Variants in TRIM33 observed in about 807,000 individuals in gnomAD.
TRIM33 encodes the protein tripartite motif containing 33, also known as E3 ubiquitin-protein ligase TRIM33.
TRIM33 carries 20 observed loss-of-function variants against 125.4 expected under a neutral mutation model. The observed-to-expected ratio is 0.16, with a 90% confidence interval of 0.11 to 0.23. The LOEUF is 0.23. Ranked by LOEUF, TRIM33 falls within the 10% of genes least tolerant of loss-of-function variation. The pLI is 1.00. For missense variants in TRIM33, 920 were observed against 1,411.4 expected (o/e 0.65, Z 5.58); for synonymous variants, 564 against 513.9 (o/e 1.10, Z -1.32).
At chr1:114,453,668 A>C (rs1008356511) in intron 4 of TRIM33, among the ~76,000 whole-genome samples, 3 of 152,192 alleles carry the variant, frequency 2.0e-5, no homozygotes, top group Non-Finnish European at 4.4e-5. Flanking sequence ...TGTGTCAACA[A>C]TCTGATTTAC....
At chr1:114,404,827 T>C (rs1029392598) in intron 15 of TRIM33, 4 of 148,134 alleles carry the variant, frequency 2.7e-5, no homozygotes, top group African/African-American at 5.0e-5. Context: ...TTTTTTTTTT[T>C]CAATTTATAG....
intron 1 of TRIM33, among the ~76,000 whole-genome samples, chr1:114,477,756 G>A (rs11102796): frequency 1.3e-5 from 2 of 152,156 alleles, no homozygotes; most frequent in Admixed American, 6.5e-5. Context: ...TGGCCACTGA[G>A]CACTTGCAAA....
In TRIM33 at chr1:114,408,731, T is replaced by C; in HGVS notation, c.2204A>G (p.Asn735Ser). 1.9e-6 allele frequency: 3 copies of C among 1,602,008 alleles called. No homozygotes were observed. The highest frequency in any genetic ancestry group is 1.7e-5 in the Admixed American group (1 of 59,304). The change falls in exon 13 of 20, where the codon AAT becomes AGT. Residue 735 changes from asparagine (N) to serine (S), a missense_variant. Physicochemically the swap from Asn to Ser is conservative, Grantham distance 46. This residue lies in a region of TRIM33 where 407 missense variants were observed against 589.7 expected (regional missense o/e 0.69). Coordinates refer to ENST00000358465, the MANE Select transcript of TRIM33 (RefSeq NM_015906.4). ...ALSPGSSGLSNSHTPVRPPST... is the reference protein window; with the variant it reads ...ALSPGSSGLSSSHTPVRPPST... ...TGGGGGTCTCACAGGTGTGTGAGAATTGGATAAACCTAAAAAGTAGTAAGT... is the reference window on the plus strand; with the variant it reads ...TGGGGGTCTCACAGGTGTGTGAGAACTGGATAAACCTAAAAAGTAGTAAGT...
chr1:114,425,967 T>C (rs1271736345), intron 8 of TRIM33, among the ~76,000 whole-genome samples: 9 of 152,186 alleles, frequency 5.9e-5, no homozygotes, highest in Non-Finnish European at 1.2e-4. Context: ...TCTTTTTTAC[T>C]TAGACATACA....
chr1:114,509,619 A>T (rs899724932), intron 1 of TRIM33, among the ~76,000 whole-genome samples: 7 of 152,224 alleles, frequency 4.6e-5, no homozygotes, highest in Admixed American at 1.3e-4. Flanking sequence ...AGGGATGTAG[A>T]AGGGTGTCCT....
chr1:114,425,757 A>G, intron 8 of TRIM33, 34 bp from the exon 9 acceptor site: 2 of 1,449,406 alleles, frequency 1.4e-6, no homozygotes. Context: ...TTTGCATATA[A>G]TCAACTAAAT....
At chr1:114,487,867 G>A (rs548040408) in intron 1 of TRIM33, among the ~76,000 whole-genome samples, 93 of 128,176 alleles carry the variant, frequency 7.3e-4, no homozygotes, top group Non-Finnish European at 1.4e-3. Context: ...ACTGCAGTCC[G>A]CAGTCCGGCC....
At chr1:114,416,734 T>C (rs1470485075) in intron 11 of TRIM33, among the ~76,000 whole-genome samples, 1 of 152,220 alleles carries the variant, frequency 6.6e-6, no homozygotes, top group Non-Finnish European at 1.5e-5. Context: ...TTCACCAGCT[T>C]AAACTAATGC....
chr1:114,498,517 C>T (rs1257349728), intron 1 of TRIM33, among the ~76,000 whole-genome samples: 8 of 152,068 alleles, frequency 5.3e-5, no homozygotes, highest in Admixed American at 4.6e-4. Context: ...GGTGTGGTGG[C>T]ATGCGCCTGT....
intron 10 of TRIM33, among the ~76,000 whole-genome samples, chr1:114,423,648 C>T (rs1029402039): frequency 1.3e-5 from 2 of 151,856 alleles, no homozygotes; most frequent in Non-Finnish European, 2.9e-5. Context: ...AATCCTCCTG[C>T]CTCGGCCTCC....
chr1:114,470,602 C>A (rs1220152277), intron 1 of TRIM33, among the ~76,000 whole-genome samples: 2 of 151,926 alleles, frequency 1.3e-5, no homozygotes, highest in African/African-American at 4.8e-5. Context: ...AAGTGTCCAA[C>A]TGAAAAGAAG....
rs148482242 is a variant in TRIM33 at position 114,424,104 on chromosome 1, G to A, written c.1860+487C>T. ...TGTCTCTAAACACACTTATTAAAGC[G>A]TATCTACATCCTAAAAGGAAGAATA... is the stretch of plus-strand genomic sequence containing the variant. On this transcript the variant is annotated intron_variant, in intron 10 of 19. Transcript: ENST00000358465. Among the ~76,000 whole-genome samples the A allele has an allele frequency of 8.0e-4, 122 of 151,886 alleles. 5 individuals carry two copies. The East Asian group carries it at 0.01, about 13-fold the overall frequency.
chr1:114,399,633 A>T, intron 17 of TRIM33, 24 bp from the exon 18 acceptor site: 10 of 1,547,806 alleles, frequency 6.5e-6, no homozygotes, highest in Non-Finnish European at 7.9e-6. Flanking sequence ...ATAATGGCAA[A>T]TAAGAATTCT....
At chr1:114,429,356 T>A (rs1374484422) in intron 6 of TRIM33, among the ~76,000 whole-genome samples, 2 of 151,216 alleles carry the variant, frequency 1.3e-5, no homozygotes, top group African/African-American at 4.9e-5. Flanking sequence ...CCTGGCTAAT[T>A]TTTGTTTTTT....
rs1229979946 is a variant in TRIM33 at position 114,407,221 on chromosome 1, TA to T, written c.2259-122del. The T allele has an allele frequency of 8.4e-5, 67 of 800,360 alleles. No individual in the cohort carries two copies. The African/African-American group carries it at 1.1e-3, about 13-fold the overall frequency. 49.6% of individuals were successfully genotyped at this position (800,360 alleles called of 1,614,324 possible). A position where few individuals can be genotyped will look rare whatever the true frequency, so the allele number is the denominator to read the frequency against. ...AATAGACAATTAACTTTACAGAAGA[TA>T]AGGATACCTCATAATGTAGTTAAGG... On this transcript the variant is annotated intron_variant, in intron 13 of 19. Coordinates refer to ENST00000358465, the MANE Select transcript of TRIM33 (RefSeq NM_015906.4).
chr1:114,484,675 C>A (rs1651564951), intron 1 of TRIM33, among the ~76,000 whole-genome samples: 1 of 152,078 alleles, frequency 6.6e-6, no homozygotes, highest in Non-Finnish European at 1.5e-5. Context: ...CCAGCCTGGG[C>A]AACACAGTGA....
Position 114,464,251 on chromosome 1 carries a change from G to C in TRIM33, c.645+19C>G. 7.3e-7 allele frequency: 1 copy of C among 1,376,082 alleles called. No individual in the cohort carries two copies. Among genetic ancestry groups the C allele is most frequent in the South Asian group, 1.3e-5 (1 of 79,468 alleles). 85.2% of individuals were successfully genotyped at this position (1,376,082 alleles called of 1,614,324 possible). ...TTTGATATCAAGATAGGAATATAAA[G>C]AAAAATTGAGAAGCATACCTGTTCT... On this transcript the variant is annotated intron_variant, in intron 2 of 19. Coordinates refer to ENST00000358465, the MANE Select transcript of TRIM33 (RefSeq NM_015906.4).
chr1:114,507,947 T>A (rs1209953897), intron 1 of TRIM33, among the ~76,000 whole-genome samples: 7 of 152,012 alleles, frequency 4.6e-5, no homozygotes, highest in African/African-American at 1.7e-4. Context: ...CAAAACCCCG[T>A]CTCTACTAAA....
At chr1:114,421,989 C>G (rs1307462855) in intron 10 of TRIM33, among the ~76,000 whole-genome samples, 6 of 152,138 alleles carry the variant, frequency 3.9e-5, no homozygotes, top group Admixed American at 2.0e-4. Context: ...GACCTTTAGT[C>G]ATTTTTCCAA....
Sources: gnomAD v4.1 joint callset for allele counts (sites outside exome capture counted in the v4.1 genomes callset) on GRCh38, gnomAD v4.1.1 for gene constraint, gnomAD v4.1.1 regional missense constraint, MANE v1.5 for transcripts, NCBI Gene and HGNC (gene_info 2026-07-23, HGNC 2026-07-21) for gene names.